The following SLC26A8 variants were observed in gnomAD, a reference collection of about 807,000 sequenced individuals.
The protein encoded by SLC26A8 is solute carrier family 26 member 8.
Under a neutral mutation model 105.0 loss-of-function variants are expected in SLC26A8, and 70 were observed. That is an observed-to-expected ratio of 0.67 (90% CI 0.55 to 0.81). The LOEUF is 0.81. SLC26A8 is among the 40% of genes least tolerant of loss of function. SLC26A8 has a pLI of 0.00. For missense variants in SLC26A8, 998 were observed against 1,181.8 expected (o/e 0.84, Z 2.28); for synonymous variants, 415 against 438.3 (o/e 0.95, Z 0.66).
At chr6:35,992,480 T>C in intron 6 of SLC26A8, 30 bp downstream of exon 6, 1 of 1,590,274 alleles carries the variant, frequency 6.3e-7, no homozygotes, top group Non-Finnish European at 8.6e-7. Flanking sequence ...GTGGCATTTG[T>C]AACTCTGGGT....
chr6:35,984,487 T>A (rs1773413439), intron 7 of SLC26A8, among the ~76,000 whole-genome samples: 1 of 151,928 alleles, frequency 6.6e-6, no homozygotes, highest in Admixed American at 6.6e-5. Flanking sequence ...TATGCCCAGC[T>A]AATTTTTTTT....
intron 9 of SLC26A8, 139 bp downstream of exon 9, chr6:35,977,065 T>C: frequency 2.2e-6 from 2 of 895,962 alleles, no homozygotes; most frequent in Non-Finnish European, 3.3e-6. Context: ...CCCTCACCTC[T>C]CAAAAATCCT....
chr6:35,956,328 T>G (rs1772058790), intron 16 of SLC26A8, among the ~76,000 whole-genome samples: 1 of 148,330 alleles, frequency 6.7e-6, no homozygotes, highest in South Asian at 2.1e-4. Flanking sequence ...CTCAGGAGGC[T>G]GAGGTGAGAG....
Position 36,000,006 on chromosome 6 carries a change from T to C in SLC26A8, c.431A>G (p.His144Arg). The change falls in exon 4 of 20, where the codon CAT (histidine) becomes CGT (arginine). Residue 144 changes from histidine to arginine, a missense_variant. Coordinates refer to ENST00000490799, the MANE Select transcript of SLC26A8 (RefSeq NM_052961.4). Reference protein sequence around the residue: ...SVIYVIFGSCHQMSIGSFFLV... With the variant: ...SVIYVIFGSCRQMSIGSFFLV... ...GCTGAACTCACCAATGGACATTTGA[T>C]GACACGATCCAAAAATTACATAGAT... is the stretch of plus-strand genomic sequence containing the variant. 6.2e-7 allele frequency: 1 copy of C among 1,612,916 alleles called. No homozygotes were observed. The highest frequency in any genetic ancestry group is 8.5e-7 in the Non-Finnish European group (1 of 1,178,930).
Position 36,007,936 on chromosome 6 carries a change from C to T in SLC26A8, c.328+4297G>A, listed in dbSNP as rs533211338. 3.3e-5 allele frequency among the ~76,000 whole-genome samples: 5 copies of T among 151,402 alleles called. No homozygotes were observed. The South Asian group carries it at 8.3e-4, about 25-fold the overall frequency. ...GAAATCGAGACCGTCCTGGCTAACGCGGTGAAACCACGTGTCTACTAAAAA... is the reference window on the plus strand; with the variant it reads ...GAAATCGAGACCGTCCTGGCTAACGTGGTGAAACCACGTGTCTACTAAAAA... On this transcript the variant is annotated intron_variant, in intron 3 of 19. Coordinates refer to ENST00000490799, the MANE Select transcript of SLC26A8 (RefSeq NM_052961.4).
intron 3 of SLC26A8, among the ~76,000 whole-genome samples, chr6:36,011,065 G>A (rs892520960): frequency 2.0e-5 from 3 of 152,162 alleles, no homozygotes; most frequent in African/African-American, 7.2e-5. Flanking sequence ...AACCCTGCCT[G>A]TTGAGCCTCA....
intron 2 of SLC26A8, among the ~76,000 whole-genome samples, chr6:36,019,048 T>C (rs1390994205): frequency 1.3e-5 from 2 of 152,202 alleles, no homozygotes; most frequent in Non-Finnish European, 2.9e-5. Context: ...TGCCTCAGCC[T>C]CTTGAGCAGC....
chr6:35,987,950 C>T (rs891353574), intron 7 of SLC26A8, among the ~76,000 whole-genome samples: 2 of 143,262 alleles, frequency 1.4e-5, no homozygotes, highest in African/African-American at 2.6e-5. Flanking sequence ...CTTGCTCTGT[C>T]GTCCAGGCTG....
At position 35,968,903 on chromosome 6, in the gene SLC26A8, C is replaced by G; in HGVS notation, c.1339G>C (p.Gly447Arg). The G allele has an allele frequency of 1.9e-6, 3 of 1,610,618 alleles. No individual in the cohort carries two copies. The highest frequency in any genetic ancestry group is 2.5e-6 in the Non-Finnish European group (3 of 1,178,796). ...TTTGGCAGTGTGTAGAAAAAGTGTC[C>G]CATCTTCACCATCAGGAGCAGCATC... ...GVMLLLMVKMGHFFYTLPNAV... is the reference protein window; with the variant it reads ...GVMLLLMVKMRHFFYTLPNAV... The change falls in exon 11 of 20, where the codon GGA (glycine) becomes CGA (arginine). Residue 447 changes from glycine to arginine, a missense_variant. Gly to Arg is a moderately radical substitution (Grantham distance 125, BLOSUM62 -2). Transcript: ENST00000490799.
intron 19 of SLC26A8, among the ~76,000 whole-genome samples, chr6:35,948,607 C>G (rs1359359272): frequency 1.5e-5 from 2 of 133,876 alleles, no homozygotes; most frequent in East Asian, 4.2e-4. Context: ...AAAACAAAAA[C>G]AAAAAACACT....
chr6:35,968,995 G>A (rs377659667), intron 10 of SLC26A8, 41 bp from the exon 11 acceptor site: 107 of 1,575,170 alleles, frequency 6.8e-5, no homozygotes, highest in South Asian at 2.1e-4. Context: ...CATCAGGAAC[G>A]TATTGGTCCC....
chr6:35,970,792 G>A (rs550941936), intron 10 of SLC26A8, among the ~76,000 whole-genome samples: 5 of 152,188 alleles, frequency 3.3e-5, no homozygotes, highest in Admixed American at 2.0e-4. Context: ...TTGGGAGGCC[G>A]AGCCAGGCAG....
At chr6:36,020,748 TA>T (rs970031798) in intron 1 of SLC26A8, among the ~76,000 whole-genome samples, 38 of 152,104 alleles carry the variant, frequency 2.5e-4, no homozygotes, top group African/African-American at 9.2e-4. Flanking sequence ...TTTTGAACAA[TA>T]AAAAAAGCAT....
chr6:35,976,693 A>G (rs1475363638), intron 9 of SLC26A8, among the ~76,000 whole-genome samples: 9 of 150,872 alleles, frequency 6.0e-5, no homozygotes, highest in Admixed American at 6.0e-4. Context: ...GGCGCCCGCC[A>G]CCATGCCCGG....
intron 19 of SLC26A8, among the ~76,000 whole-genome samples, chr6:35,945,598 C>T (rs1221959353): frequency 6.6e-6 from 1 of 152,192 alleles, no homozygotes; most frequent in Non-Finnish European, 1.5e-5. Context: ...CCATCTTGTC[C>T]ACATCCACTT....
rs1422599739 is a variant in SLC26A8 at position 35,981,855 on chromosome 6, A to C, written c.1025+266T>G. Among the ~76,000 whole-genome samples, 3 of 152,204 alleles carry C rather than the reference A, an allele frequency of 2.0e-5. No individual in the cohort carries two copies. The highest frequency in any genetic ancestry group is 1.9e-4 in the East Asian group (1 of 5,196). On this transcript the variant is annotated intron_variant, in intron 8 of 19. Transcript: ENST00000490799. This position sits in a 1 kb window ranked among gnomAD's most constrained non-coding sequence, Gnocchi z 4.0. ...GGCCTATCATGTGCTATGAAAAAAAACATGAGATTCTCTGGTATTCAGTGC... is the reference window on the plus strand; with the variant it reads ...GGCCTATCATGTGCTATGAAAAAAACCATGAGATTCTCTGGTATTCAGTGC...
At chr6:36,012,915 C>G (rs1407043587) in intron 2 of SLC26A8, among the ~76,000 whole-genome samples, 1 of 152,084 alleles carries the variant, frequency 6.6e-6, no homozygotes, top group Non-Finnish European at 1.5e-5. Context: ...AGGAGAGTCC[C>G]CAAGTGCGAG....
At chr6:36,018,865 G>A (rs112675754) in intron 2 of SLC26A8, among the ~76,000 whole-genome samples, 39 of 152,280 alleles carry the variant, frequency 2.6e-4, no homozygotes, top group African/African-American at 7.9e-4. Context: ...TGTGGGCACT[G>A]TTGGATATGA....
chr6:35,943,855 G>C lies in SLC26A8; in HGVS notation c.*45C>G. 1 of 1,582,994 alleles carries C rather than the reference G, an allele frequency of 6.3e-7. No homozygotes were observed. The highest frequency in any genetic ancestry group is 8.6e-7 in the Non-Finnish European group (1 of 1,163,348). On this transcript the variant is annotated 3_prime_UTR_variant, in exon 20 of 20. Coordinates refer to ENST00000490799, the MANE Select transcript of SLC26A8 (RefSeq NM_052961.4). ...GGACAATTGACCCCTTTTTGGGTAGGAGGATTTGCCAGCATTATCTGACCC... is the reference window on the plus strand; with the variant it reads ...GGACAATTGACCCCTTTTTGGGTAGCAGGATTTGCCAGCATTATCTGACCC...
Sources: gnomAD v4.1 joint callset for allele counts (sites outside exome capture counted in the v4.1 genomes callset) on GRCh38, gnomAD v4.1.1 for gene constraint, Gnocchi (gnomAD v3.1) non-coding constraint, MANE v1.5 for transcripts, NCBI Gene and HGNC (gene_info 2026-07-23, HGNC 2026-07-21) for gene names.